The following FRS2 variants were observed in gnomAD, a reference collection of about 807,000 sequenced individuals.
The protein encoded by FRS2 is FGFR signalling adaptor.
In FRS2, 8 loss-of-function variants were observed where a neutral mutation model predicts 43.9. The ratio of observed to expected loss-of-function variants is 0.18; its 90% CI spans 0.11 to 0.33. The LOEUF (loss-of-function observed/expected upper bound fraction) is 0.33, where lower values mean the gene tolerates loss of function less well. Ranked by LOEUF, FRS2 falls within the 10% of genes least tolerant of loss-of-function variation. The probability of loss-of-function intolerance (pLI) is 1.00; values close to 1 mark genes in which losing one functional copy is unlikely to be tolerated. For missense variants in FRS2, 534 were observed against 627.6 expected (o/e 0.85, Z 1.59); for synonymous variants, 219 against 220.3 (o/e 0.99, Z 0.05).
intron 1 of FRS2, among the ~76,000 whole-genome samples, chr12:69,509,172 CT>C (rs1170047075): frequency 6.6e-6 from 1 of 152,164 alleles, no homozygotes; most frequent in Non-Finnish European, 1.5e-5. Flanking sequence ...TAATTTTCCT[CT>C]TTTTCAGTAA....
chr12:69,524,741 C>A (rs1216692953), intron 1 of FRS2, among the ~76,000 whole-genome samples: 1 of 152,162 alleles, frequency 6.6e-6, no homozygotes, highest in Non-Finnish European at 1.5e-5. Flanking sequence ...CAGCACCAAA[C>A]CCTCTAGACT....
intron 1 of FRS2, among the ~76,000 whole-genome samples, chr12:69,497,399 T>G: frequency 6.6e-6 from 1 of 152,230 alleles, no homozygotes; most frequent in East Asian, 1.9e-4. Flanking sequence ...GTAGATTCAG[T>G]GCCTGGTAAA....
intron 1 of FRS2, among the ~76,000 whole-genome samples, chr12:69,474,280 G>T (rs1460093316): frequency 6.6e-6 from 1 of 152,182 alleles, no homozygotes; most frequent in Non-Finnish European, 1.5e-5. Flanking sequence ...ATGTCCAAAG[G>T]CTTTTGGAAA....
At chr12:69,472,761 G>A (rs901921409) in intron 1 of FRS2, among the ~76,000 whole-genome samples, 2 of 152,142 alleles carry the variant, frequency 1.3e-5, no homozygotes, top group African/African-American at 2.4e-5. Context: ...CATAACAGTT[G>A]AGTTTCATGT....
At chr12:69,506,896 A>G (rs1352300552) in intron 1 of FRS2, among the ~76,000 whole-genome samples, 1 of 151,768 alleles carries the variant, frequency 6.6e-6, no homozygotes, top group Non-Finnish European at 1.5e-5. Context: ...TAATACATTC[A>G]TGGATTAATG....
chr12:69,483,548 T>A (rs1871532645), intron 1 of FRS2, among the ~76,000 whole-genome samples: 1 of 152,106 alleles, frequency 6.6e-6, no homozygotes, highest in Non-Finnish European at 1.5e-5. Context: ...TGGAGCTTTT[T>A]ATAGCCTTTT....
intron 1 of FRS2, chr12:69,480,297 A>G (rs1390003884): frequency 6.6e-6 from 1 of 152,172 alleles, no homozygotes; most frequent in Non-Finnish European, 1.5e-5. Context: ...TCTTTTCTCT[A>G]GCTCCTGGCA....
chr12:69,535,568 C>G (rs1026068777), intron 3 of FRS2, among the ~76,000 whole-genome samples: 3 of 151,818 alleles, frequency 2.0e-5, no homozygotes, highest in African/African-American at 7.3e-5. Flanking sequence ...ATAATTTGAC[C>G]TCTTGGGCTC....
Position 69,471,038 on chromosome 12 carries a change from A to G in FRS2, c.-261+508A>G, listed in dbSNP as rs187256255. Among the ~76,000 whole-genome samples, 212 of 152,182 alleles carry G rather than the reference A, an allele frequency of 1.4e-3. 2 individuals are homozygous for G. The highest frequency in any genetic ancestry group is 4.8e-3 in the African/African-American group (198 of 41,530). ...CCTGTACATGCCAGGGATCTTTTGC[A>G]GGGCTTTTCATCCAGATTTGCTTCA... On this transcript the variant is annotated intron_variant, in intron 1 of 8. Transcript: ENST00000549921.
rs1387099371 is a variant in FRS2 at position 69,513,449 on chromosome 12, A to G, written c.-260-17416A>G. Among the ~76,000 whole-genome samples, 3 of 152,266 alleles carry G rather than the reference A, an allele frequency of 2.0e-5. No individual in the cohort carries two copies. The East Asian group carries it at 5.8e-4, about 29-fold the overall frequency. ...CCACAAACCTTGTATCAACATTTTT[A>G]CTGATGAGTAATAAAATTAACAGAT... On this transcript the variant is annotated intron_variant, in intron 1 of 8. Transcript: ENST00000549921.
chr12:69,516,510 G>A (rs943690919), intron 1 of FRS2, among the ~76,000 whole-genome samples: 1 of 152,110 alleles, frequency 6.6e-6, no homozygotes, highest in Non-Finnish European at 1.5e-5. Flanking sequence ...GAGCCACTGC[G>A]CCCGGCCAAA....
At chr12:69,558,771 G>T (rs76871807) in intron 3 of FRS2, among the ~76,000 whole-genome samples, 4 of 152,278 alleles carry the variant, frequency 2.6e-5, no homozygotes, top group African/African-American at 9.6e-5. Flanking sequence ...TCTCCCACTA[G>T]ACAGTAAGCT....
intron 3 of FRS2, among the ~76,000 whole-genome samples, chr12:69,534,692 C>T (rs1877111045): frequency 6.6e-6 from 1 of 152,132 alleles, no homozygotes; most frequent in Non-Finnish European, 1.5e-5. Context: ...CACATGCTCA[C>T]AAAGTGCTGT....
chr12:69,571,532 A>G (rs1880757459), intron 7 of FRS2, 98 bp downstream of exon 7: 1 of 952,068 alleles, frequency 1.1e-6, no homozygotes, highest in Admixed American at 2.2e-5. Context: ...AGAAATCACC[A>G]CTGGATAACA....
At chr12:69,565,348 A>T (rs1880201744) in intron 4 of FRS2, among the ~76,000 whole-genome samples, 1 of 152,218 alleles carries the variant, frequency 6.6e-6, no homozygotes. Flanking sequence ...GAAGGCCTAG[A>T]ATGTTATCGT....
At chr12:69,514,012 A>G (rs1470748819) in intron 1 of FRS2, among the ~76,000 whole-genome samples, 2 of 152,232 alleles carry the variant, frequency 1.3e-5, no homozygotes. Context: ...GTTAAAAGCA[A>G]ACAATACTTT....
chr12:69,556,160 C>G (rs1879332731), intron 3 of FRS2, among the ~76,000 whole-genome samples: 1 of 152,168 alleles, frequency 6.6e-6, no homozygotes, highest in Non-Finnish European at 1.5e-5. Context: ...CTCAGTCTTC[C>G]AAAGTACTGG....
rs61759361 is a variant in FRS2 at position 69,562,013 on chromosome 12, A to G, written c.-121-167A>G. ...AAGAATGATAACATGTGCATATTATATTACTTTTTAAAATTGATGTTATAT... is the reference window on the plus strand; with the variant it reads ...AAGAATGATAACATGTGCATATTATGTTACTTTTTAAAATTGATGTTATAT... On this transcript the variant is annotated intron_variant, in intron 3 of 8. Coordinates refer to ENST00000549921, the MANE Select transcript of FRS2 (RefSeq NM_001278356.2). 2.9e-3 allele frequency: 1,067 copies of G among 369,172 alleles called. 10 individuals are homozygous for G. Among genetic ancestry groups the G allele is most frequent in the African/African-American group, 0.019 (910 of 48,102 alleles). The allele number at this position is 369,172 out of a possible 1,614,324, so 22.9% of individuals were successfully genotyped here.
chr12:69,487,298 A>G (rs1592923294), intron 1 of FRS2, among the ~76,000 whole-genome samples: 1 of 152,326 alleles, frequency 6.6e-6, no homozygotes, highest in East Asian at 1.9e-4. Context: ...TGAAAGCTTC[A>G]AAGGACAGGC....
Sources: allele counts gnomAD v4.1 joint callset (sites outside exome capture counted in the v4.1 genomes callset), GRCh38; gene constraint gnomAD v4.1.1; transcripts MANE v1.5; gene names NCBI Gene and HGNC (gene_info 2026-07-23, HGNC 2026-07-21).